GMDS: variants seen among roughly 807,000 people sequenced by gnomAD.
GMDS encodes the protein GDP-mannose 4,6-dehydratase.
In GMDS, 20 loss-of-function variants were observed where a neutral mutation model predicts 49.9. That is an observed-to-expected ratio of 0.40 (90% CI 0.28 to 0.58). The LOEUF is 0.58. Ranked by LOEUF, GMDS falls within the 20% of genes least tolerant of loss-of-function variation. GMDS has a pLI of 0.42. For synonymous variants in GMDS, 177 were observed against 178.6 expected (o/e 0.99, Z 0.07); for missense variants, 362 against 481.4 (o/e 0.75, Z 2.32).
intron 7 of GMDS, among the ~76,000 whole-genome samples, chr6:1,863,304 G>A (rs1193254966): frequency 6.6e-6 from 1 of 152,002 alleles, no homozygotes; most frequent in Non-Finnish European, 1.5e-5. Flanking sequence ...AAAAGAAAAT[G>A]TTTTTACGAT....
rs117477451 is a variant in GMDS, at chr6:2,079,722, C to A, written c.345+36049G>T. Among the ~76,000 whole-genome samples, 54 of 152,060 alleles carry A rather than the reference C, an allele frequency of 3.6e-4. No homozygotes were observed. The East Asian group carries it at 9.5e-3, about 27-fold the overall frequency. The stretch of plus-strand genomic sequence containing the variant: ...AACTGACTAGGCACTTTTCTCTTGC[C>A]TTTTTCAGAATTCTGTCTTTGACTT... On this transcript the variant is annotated intron_variant, in intron 4 of 10. Transcript: ENST00000380815.
intron 7 of GMDS, among the ~76,000 whole-genome samples, chr6:1,851,998 G>A (rs564480960): frequency 8.8e-4 from 134 of 151,668 alleles, no homozygotes; most frequent in Non-Finnish European, 1.5e-3. Flanking sequence ...AGGAGGAGAG[G>A]CTCCCACACG....
At position 1,959,940 on chromosome 6, in the gene GMDS, C is replaced by A. The variant is rs770549028; in HGVS notation, c.570G>T (p.Val190=). The part of the protein sequence containing the change: ...GAAKLYAYWI[V]VNFREAYNLF... ...GATTATACGCCTCACGGAAGTTCAC[C>A]ACAATCCAATAGGCATAGAGTTTTG... Residue 190 remains valine (V), a synonymous_variant, in exon 6 of 11, where the codon GTG becomes GTT. Transcript: ENST00000380815. 6.2e-7 allele frequency: 1 copy of A among 1,608,768 alleles called. No homozygotes were observed. The highest frequency in any genetic ancestry group is 1.1e-5 in the South Asian group (1 of 90,188).
At chr6:1,877,388 T>G (rs1759125916) in intron 7 of GMDS, among the ~76,000 whole-genome samples, 1 of 151,916 alleles carries the variant, frequency 6.6e-6, no homozygotes, top group Non-Finnish European at 1.5e-5. Context: ...CTCTGTAATC[T>G]CAGTACTTTG....
intron 9 of GMDS, among the ~76,000 whole-genome samples, chr6:1,669,493 A>G (rs1207485928): frequency 6.6e-6 from 1 of 152,224 alleles, no homozygotes; most frequent in African/African-American, 2.4e-5. Flanking sequence ...TTCCTATGTC[A>G]TGTAAATAGA....
intron 4 of GMDS, among the ~76,000 whole-genome samples, chr6:2,082,150 G>A (rs953593256): frequency 9.2e-5 from 14 of 152,056 alleles, no homozygotes; most frequent in Non-Finnish European, 1.5e-5. Flanking sequence ...CACATGATAC[G>A]TGTTCCCTAC....
At chr6:1,924,507 A>T (rs879820915) in intron 7 of GMDS, among the ~76,000 whole-genome samples, 2 of 152,160 alleles carry the variant, frequency 1.3e-5, no homozygotes, top group Non-Finnish European at 2.9e-5. Flanking sequence ...TGGGTGGTAA[A>T]AGCCTGAAGA....
intron 7 of GMDS, among the ~76,000 whole-genome samples, chr6:1,758,797 G>A (rs1310136405): frequency 2.0e-5 from 3 of 152,220 alleles, no homozygotes; most frequent in Non-Finnish European, 4.4e-5. Context: ...GATTACAGGC[G>A]CGGTGGCTCA....
At chr6:2,098,821 G>T (rs540221589) in intron 4 of GMDS, among the ~76,000 whole-genome samples, 8 of 152,138 alleles carry the variant, frequency 5.3e-5, no homozygotes, top group Non-Finnish European at 1.0e-4. Context: ...ATAAATCCTG[G>T]AATCTTTTAC....
chr6:1,690,039 A>G (rs1416409680), intron 9 of GMDS, among the ~76,000 whole-genome samples: 1 of 152,218 alleles, frequency 6.6e-6, no homozygotes, highest in Admixed American at 6.5e-5. Flanking sequence ...CGGGAGGCAG[A>G]GGCTGTAGTG....
At chr6:2,077,783 A>T (rs996894524) in intron 4 of GMDS, among the ~76,000 whole-genome samples, 6 of 152,066 alleles carry the variant, frequency 3.9e-5, no homozygotes, top group Admixed American at 2.0e-4. Context: ...TATAAGGGTG[A>T]TGCTGCCCTC....
chr6:1,681,999 T>C (rs1764808601), intron 9 of GMDS, among the ~76,000 whole-genome samples: 1 of 152,086 alleles, frequency 6.6e-6, no homozygotes, highest in South Asian at 2.1e-4. Context: ...CTGGCTTTTT[T>C]TTTTTCTTAA....
At chr6:2,081,216 C>A (rs1436892168) in intron 4 of GMDS, among the ~76,000 whole-genome samples, 1 of 151,864 alleles carries the variant, frequency 6.6e-6, no homozygotes, top group Admixed American at 6.5e-5. Flanking sequence ...GAAAAAAAAA[C>A]AAAACAAAAC....
chr6:1,895,160 G>A (rs1206860758), intron 7 of GMDS, among the ~76,000 whole-genome samples: 2 of 152,200 alleles, frequency 1.3e-5, no homozygotes, highest in Non-Finnish European at 2.9e-5. Flanking sequence ...AGTTTGGGGA[G>A]TGCCTGAGGG....
At chr6:1,743,365 C>A in intron 7 of GMDS, among the ~76,000 whole-genome samples, 1 of 145,238 alleles carries the variant, frequency 6.9e-6, no homozygotes, top group Admixed American at 7.0e-5. Flanking sequence ...CACGGGGAAA[C>A]CCCGTCTCTA....
At chr6:2,004,073 C>T (rs1372106072) in intron 4 of GMDS, among the ~76,000 whole-genome samples, 3 of 152,142 alleles carry the variant, frequency 2.0e-5, no homozygotes, top group East Asian at 1.9e-4. Context: ...TTGAAATATA[C>T]AAAATAGTCA....
chr6:2,007,371 T>C (rs1431786492), intron 4 of GMDS, among the ~76,000 whole-genome samples: 2 of 152,076 alleles, frequency 1.3e-5, no homozygotes, highest in Non-Finnish European at 2.9e-5. Flanking sequence ...GCGTGTACAC[T>C]TCCGGTAAAA....
chr6:1,683,413 G>A lies in GMDS; in HGVS notation c.987+43003C>T, dbSNP rs181073608. Reference sequence around the variant, plus strand: ...GCTGGGATTACAGGCGTGAGCCACCGCGCGCGGCCTGGATGGCTCTAGTTT... The same window carrying A: ...GCTGGGATTACAGGCGTGAGCCACCACGCGCGGCCTGGATGGCTCTAGTTT... On this transcript the variant is annotated intron_variant, in intron 9 of 10. Coordinates refer to ENST00000380815, the MANE Select transcript of GMDS (RefSeq NM_001500.4). 1.8e-4 allele frequency among the ~76,000 whole-genome samples: 28 copies of A among 152,292 alleles called. No individual in the cohort carries two copies. The East Asian group carries it at 5.0e-3, about 27-fold the overall frequency.
chr6:2,150,724 T>C (rs965584407), intron 1 of GMDS, among the ~76,000 whole-genome samples: 3 of 152,186 alleles, frequency 2.0e-5, no homozygotes, highest in Non-Finnish European at 2.9e-5. Context: ...CTGCAAACTT[T>C]GAAGATTTTG....
Sources: allele counts gnomAD v4.1 joint callset (sites outside exome capture counted in the v4.1 genomes callset), GRCh38; gene constraint gnomAD v4.1.1; transcripts MANE v1.5; gene names NCBI Gene and HGNC (gene_info 2026-07-23, HGNC 2026-07-21).